Variants in DHRSX observed in about 807,000 individuals in gnomAD.
DHRSX encodes polyprenol dehydrogenase.
A neutral mutation model predicts 34.0 loss-of-function variants in DHRSX; 31 were observed. The ratio of observed to expected loss-of-function variants is 0.91; its 90% CI spans 0.69 to 1.23. DHRSX has a LOEUF of 1.23. Among genes scored for constraint, DHRSX ranks in the 50% most tolerant of loss-of-function variants. DHRSX has a pLI of 0.00. For missense variants in DHRSX, 414 were observed against 428.1 expected, an observed-to-expected ratio of 0.97 and a Z score of 0.29; for synonymous variants, 201 against 183.8, an observed-to-expected ratio of 1.09 and a Z score of -0.76.
chrX:2,244,829 A>C (rs2016239669), intron 5 of DHRSX, among the ~76,000 whole-genome samples: 1 of 151,884 alleles, frequency 6.6e-6, no homozygotes, highest in African/African-American at 2.4e-5. Flanking sequence ...CTCCTGCCTC[A>C]GCCTCCCAAG....
intron 1 of DHRSX, among the ~76,000 whole-genome samples, chrX:2,445,253 A>G (rs2044115357): frequency 6.6e-6 from 1 of 152,166 alleles, no homozygotes; most frequent in East Asian, 1.9e-4. Context: ...TTTCCGAAAA[A>G]GTTGCATGTC....
intron 3 of DHRSX, among the ~76,000 whole-genome samples, chrX:2,357,869 G>A (rs1242252020): frequency 1.3e-5 from 2 of 152,124 alleles, no homozygotes; most frequent in Non-Finnish European, 2.9e-5. Flanking sequence ...CGGTGGTTAT[G>A]AAATGGAAAA....
chrX:2,397,930 G>GCACACACACACACACACA (rs111697078), intron 3 of DHRSX, among the ~76,000 whole-genome samples: 7 of 138,430 alleles, frequency 5.1e-5, no homozygotes, highest in African/African-American at 1.8e-4. Flanking sequence ...CTCAGAGCGC[G>GCACACACACACACACACA]CACACACACA....
chrX:2,496,931 C>T (rs1381670283), intron 1 of DHRSX, among the ~76,000 whole-genome samples: 1 of 149,164 alleles, frequency 6.7e-6, no homozygotes, highest in Non-Finnish European at 1.5e-5. Flanking sequence ...ATATTACATA[C>T]ATTTTTGTAT....
chrX:2,367,165 C>T (rs1429298433), intron 3 of DHRSX, among the ~76,000 whole-genome samples: 1 of 152,036 alleles, frequency 6.6e-6, no homozygotes. Flanking sequence ...GCTAGCCGGG[C>T]GCAGTGGCTC....
chrX:2,331,433 T>C (rs1424358272), intron 3 of DHRSX, among the ~76,000 whole-genome samples: 1 of 121,110 alleles, frequency 8.3e-6, no homozygotes, highest in African/African-American at 4.1e-5. Flanking sequence ...GGAAGGTTTT[T>C]TGGTTTTTTT....
At chrX:2,322,095 A>G (rs1017184612) in intron 3 of DHRSX, among the ~76,000 whole-genome samples, 12 of 151,620 alleles carry the variant, frequency 7.9e-5, no homozygotes, top group African/African-American at 2.9e-4. Context: ...ACTGCACCCT[A>G]TTTGTAGTGT....
intron 3 of DHRSX, among the ~76,000 whole-genome samples, chrX:2,326,500 G>A (rs1301143960): frequency 6.6e-6 from 1 of 152,160 alleles, no homozygotes; most frequent in Non-Finnish European, 1.5e-5. Context: ...TCCAGCCTGA[G>A]TGACAGAGCG....
Position 2,266,899 on chromosome X carries a change from T to C in DHRSX, c.437A>G (p.Glu146Gly). The change falls in exon 5 of 7, where the codon GAA (glutamate) becomes GGA (glycine). Residue 146 changes from glutamate to glycine, a missense_variant. Glu to Gly is a moderately conservative substitution (Grantham distance 98, BLOSUM62 -2). Transcript: ENST00000334651. The stretch of plus-strand genomic sequence containing the variant: ...CCCTAGGTAGTTCAGGCCGAAATGT[T>C]CTTCGAATCCATCTCTGGTTTTCCT... ...PQRKTRDGFE[E>G]HFGLNYLGHF... 2 of 1,613,988 alleles carry C rather than the reference T, an allele frequency of 1.2e-6. No homozygotes were observed. The highest frequency in any genetic ancestry group is 1.7e-6 in the Non-Finnish European group (2 of 1,179,876).
intron 5 of DHRSX, among the ~76,000 whole-genome samples, chrX:2,245,674 A>G (rs2016261259): frequency 6.8e-6 from 1 of 146,776 alleles, no homozygotes; most frequent in Non-Finnish European, 1.5e-5. Context: ...AAACCAAGCT[A>G]TGGCCAGACG....
At chrX:2,451,584 G>A (rs1280097436) in intron 1 of DHRSX, among the ~76,000 whole-genome samples, 1 of 152,158 alleles carries the variant, frequency 6.6e-6, no homozygotes, top group South Asian at 2.1e-4. Context: ...GAATGAATTC[G>A]GTCAGGACGG....
intron 4 of DHRSX, among the ~76,000 whole-genome samples, chrX:2,267,896 G>A (rs980210051): frequency 1.3e-5 from 2 of 152,252 alleles, no homozygotes; most frequent in East Asian, 1.9e-4. Flanking sequence ...GCAGTGAGCC[G>A]AGATTGTGCT....
At chrX:2,496,869 T>G (rs935668718) in intron 1 of DHRSX, among the ~76,000 whole-genome samples, 2 of 148,650 alleles carry the variant, frequency 1.3e-5, no homozygotes, top group African/African-American at 4.9e-5. Context: ...AAAGTATAAA[T>G]TATTCTAAAA....
chrX:2,407,419 G>T (rs1160184614), intron 3 of DHRSX, among the ~76,000 whole-genome samples: 11 of 152,154 alleles, frequency 7.2e-5, no homozygotes, highest in Non-Finnish European at 1.5e-4. Context: ...CAACACATTC[G>T]TGGGCAATTC....
chrX:2,286,561 G>T (rs1432963095), intron 4 of DHRSX, among the ~76,000 whole-genome samples: 1 of 152,144 alleles, frequency 6.6e-6, no homozygotes, highest in Non-Finnish European at 1.5e-5. Context: ...GAACCAAGAG[G>T]ATTTGTCAAC....
At chrX:2,403,608 C>A (rs2043514477) in intron 3 of DHRSX, among the ~76,000 whole-genome samples, 1 of 152,112 alleles carries the variant, frequency 6.6e-6, no homozygotes, top group Non-Finnish European at 1.5e-5. Context: ...GTAATCCCAG[C>A]AATTTGGGAG....
At chrX:2,238,199 T>C (rs1306759962) in intron 6 of DHRSX, among the ~76,000 whole-genome samples, 5 of 151,902 alleles carry the variant, frequency 3.3e-5, no homozygotes, top group Non-Finnish European at 7.4e-5. Flanking sequence ...ACCAAAAAAT[T>C]TTAAAAAATT....
At chrX:2,381,631 A>G (rs2043203673) in intron 3 of DHRSX, among the ~76,000 whole-genome samples, 1 of 152,026 alleles carries the variant, frequency 6.6e-6, no homozygotes, top group Non-Finnish European at 1.5e-5. Flanking sequence ...TCAAAAAAAT[A>G]AAAATGAAAA....
At chrX:2,482,639 G>A (rs186592647) in intron 1 of DHRSX, among the ~76,000 whole-genome samples, 2 of 152,286 alleles carry the variant, frequency 1.3e-5, no homozygotes, top group South Asian at 2.1e-4. Context: ...CATGTAAGAA[G>A]CAAACCAACA....
Sources: allele counts gnomAD v4.1 joint callset (sites outside exome capture counted in the v4.1 genomes callset), GRCh38; gene constraint gnomAD v4.1.1; transcripts MANE v1.5; gene names NCBI Gene and HGNC (gene_info 2026-07-23, HGNC 2026-07-21).